XKR9: variants seen among roughly 807,000 people sequenced by gnomAD.
XKR9 encodes the protein XK-related protein 9.
A neutral mutation model predicts 32.0 loss-of-function variants in XKR9; 32 were observed. The observed-to-expected ratio is 1.00, with a 90% CI of 0.76 to 1.34. XKR9 has a LOEUF of 1.34. XKR9 is among the 40% of genes most tolerant of loss of function. The pLI is 0.00. For missense variants in XKR9, 546 were observed against 429.7 expected (o/e 1.27, Z -2.39); for synonymous variants, 168 against 143.4 (o/e 1.17, Z -1.22).
the XKR9 span, among the ~76,000 whole-genome samples, chr8:70,877,638 G>T: frequency 0.12 from 18,680 of 152,174 alleles, 1,414 homozygotes; most frequent in African/African-American, 0.21. Flanking sequence ...AACGAACAAA[G>T]CTTCCAAGAA....
At chr8:70,829,037 T>C in the XKR9 span, among the ~76,000 whole-genome samples, 3 of 152,244 alleles carry the variant, frequency 2.0e-5, no homozygotes, top group Non-Finnish European at 4.4e-5. Flanking sequence ...ATGGTAACAT[T>C]TACCAACAAA....
intron 2 of XKR9, among the ~76,000 whole-genome samples, chr8:70,749,074 C>T (rs185057802): frequency 6.6e-4 from 100 of 152,312 alleles, no homozygotes; most frequent in African/African-American, 2.3e-3. Flanking sequence ...GGACATTCAT[C>T]GGGATGACCT....
chr8:70,764,332 A>T (rs761092066), intron 2 of XKR9, among the ~76,000 whole-genome samples: 13 of 152,110 alleles, frequency 8.5e-5, no homozygotes, highest in Non-Finnish European at 1.5e-4. Flanking sequence ...TTTTACTCTC[A>T]ACATTCCTTT....
the XKR9 span, among the ~76,000 whole-genome samples, chr8:70,939,945 G>T: frequency 3.9e-5 from 6 of 152,046 alleles, no homozygotes; most frequent in East Asian, 7.7e-4. Flanking sequence ...TTTTTCAGAT[G>T]TATAAACTGA....
chr8:70,877,917 C>G, the XKR9 span, among the ~76,000 whole-genome samples: 1 of 152,164 alleles, frequency 6.6e-6, no homozygotes, highest in Non-Finnish European at 1.5e-5. Flanking sequence ...AGAGAAAGGT[C>G]GAGTTACTCA....
At chr8:70,752,598 C>T (rs1278417202) in intron 2 of XKR9, among the ~76,000 whole-genome samples, 1 of 152,190 alleles carries the variant, frequency 6.6e-6, no homozygotes, top group African/African-American at 2.4e-5. Context: ...AAGTCACAAG[C>T]TCCCAACATA....
At chr8:70,855,258 A>G in the XKR9 span, among the ~76,000 whole-genome samples, 1 of 152,178 alleles carries the variant, frequency 6.6e-6, no homozygotes. Context: ...GTTAACTAGA[A>G]TAACCAATGC....
intron 2 of XKR9, among the ~76,000 whole-genome samples, chr8:70,765,966 A>G (rs538602718): frequency 1.2e-4 from 18 of 152,140 alleles, no homozygotes; most frequent in Admixed American, 9.8e-4. Context: ...ATTGTTCTAT[A>G]TGTCTGTTTC....
the XKR9 span, among the ~76,000 whole-genome samples, chr8:71,012,088 G>A: frequency 1.3e-5 from 2 of 152,146 alleles, no homozygotes; most frequent in Non-Finnish European, 2.9e-5. Context: ...TGTTTATTGT[G>A]CTACTGTTCC....
chr8:70,830,076 C>T, the XKR9 span, among the ~76,000 whole-genome samples: 1 of 151,956 alleles, frequency 6.6e-6, no homozygotes, highest in Non-Finnish European at 1.5e-5. Flanking sequence ...ATGTTTCTTC[C>T]TTTTAATTTT....
At chr8:70,867,970 T>A in the XKR9 span, among the ~76,000 whole-genome samples, 3 of 152,122 alleles carry the variant, frequency 2.0e-5, no homozygotes, top group Non-Finnish European at 2.9e-5. Flanking sequence ...CCCATGCAAG[T>A]CCAAAATCCA....
the XKR9 span, among the ~76,000 whole-genome samples, chr8:70,883,525 C>G: frequency 6.6e-6 from 1 of 152,018 alleles, no homozygotes; most frequent in Non-Finnish European, 1.5e-5. Context: ...AATGGTAGAT[C>G]TATTTTTAGT....
chr8:70,741,678 C>T (rs1188548627), intron 2 of XKR9, among the ~76,000 whole-genome samples: 2 of 152,132 alleles, frequency 1.3e-5, no homozygotes, highest in African/African-American at 4.8e-5. Flanking sequence ...TGGGTTGCTT[C>T]CACCTCTTGG....
rs114876888 is a variant in XKR9 at position 70,771,165 on chromosome 8, C to T, written n.353-18174C>T. Among the ~76,000 whole-genome samples the T allele has an allele frequency of 6.3e-3, 958 of 152,208 alleles. 12 individuals are homozygous for T. Among genetic ancestry groups the T allele is most frequent in the African/African-American group, 0.021 (884 of 41,530 alleles). On this transcript the variant is annotated intron_variant and non_coding_transcript_variant, in intron 2 of 3. Transcript: ENST00000520273. ...CTCAAAGCTTCCCTTGGCTAGGGGACGGAGTTCCCTGACCCCTTGTGCTTC... is the reference window on the plus strand; with the variant it reads ...CTCAAAGCTTCCCTTGGCTAGGGGATGGAGTTCCCTGACCCCTTGTGCTTC...
the XKR9 span, among the ~76,000 whole-genome samples, chr8:70,901,735 C>G: frequency 6.6e-6 from 1 of 152,114 alleles, no homozygotes; most frequent in Non-Finnish European, 1.5e-5. Context: ...AGTCCTTGCC[C>G]ATGCCTGTGT....
At chr8:70,942,883 C>T in the XKR9 span, among the ~76,000 whole-genome samples, 4 of 152,050 alleles carry the variant, frequency 2.6e-5, no homozygotes, top group African/African-American at 4.8e-5. Flanking sequence ...GTCTTACCTA[C>T]TTTTTCTATT....
chr8:71,046,074 C>T, the XKR9 span, among the ~76,000 whole-genome samples: 1 of 152,142 alleles, frequency 6.6e-6, no homozygotes. Context: ...ACATGGACCT[C>T]TCCAAGCTCA....
chr8:70,744,875 G>A (rs1341944166), intron 2 of XKR9, among the ~76,000 whole-genome samples: 1 of 149,940 alleles, frequency 6.7e-6, no homozygotes, highest in African/African-American at 2.4e-5. Flanking sequence ...CAAAGTGCTG[G>A]GATTACAGGC....
At chr8:70,768,306 T>TGGTG (rs1807405880) in intron 2 of XKR9, among the ~76,000 whole-genome samples, 1 of 152,114 alleles carries the variant, frequency 6.6e-6, no homozygotes, top group African/African-American at 2.4e-5. Flanking sequence ...TGATTTCCAT[T>TGGTG]TTTTACATTT....
Sources: gnomAD v4.1 joint callset for allele counts (sites outside exome capture counted in the v4.1 genomes callset) on GRCh38, gnomAD v4.1.1 for gene constraint, MANE v1.5 for transcripts, NCBI Gene and HGNC (gene_info 2026-07-23, HGNC 2026-07-21) for gene names.